The following PDK1 variants were observed in gnomAD, a reference collection of about 807,000 sequenced individuals.
The protein encoded by PDK1 is pyruvate dehydrogenase kinase 1.
PDK1 carries 39 observed loss-of-function variants against 54.2 expected under a neutral mutation model. The ratio of observed to expected loss-of-function variants is 0.72; its 90% CI spans 0.56 to 0.94. The LOEUF (loss-of-function observed/expected upper bound fraction) is 0.94, where lower values mean the gene tolerates loss of function less well. Ranked by LOEUF, PDK1 falls within the 40% of genes least tolerant of loss-of-function variation. The pLI is 0.00. For synonymous variants in PDK1, 221 were observed against 207.1 expected, an observed-to-expected ratio of 1.07 and a Z score of -0.58; for missense variants, 552 against 566.0, an observed-to-expected ratio of 0.98 and a Z score of 0.25.
At chr2:172,618,437 A>C in the PDK1 span, among the ~76,000 whole-genome samples, 1 of 152,238 alleles carries the variant, frequency 6.6e-6, no homozygotes, top group Non-Finnish European at 1.5e-5. Context: ...AAAGATTAAA[A>C]CATTCCATTC....
the PDK1 span, among the ~76,000 whole-genome samples, chr2:172,710,327 A>G: frequency 6.6e-6 from 1 of 152,254 alleles, no homozygotes; most frequent in Non-Finnish European, 1.5e-5. Context: ...GTTCTGCAAC[A>G]AGAAGACTGA....
rs767662731 is a variant in PDK1 at position 172,556,386 on chromosome 2, C to A, written c.196+40C>A. 6.7e-6 allele frequency: 9 copies of A among 1,350,708 alleles called. No homozygotes were observed. The East Asian group carries it at 2.3e-4, about 34-fold the overall frequency. The allele number at this position is 1,350,708 out of a possible 1,614,324, so 83.7% of individuals were successfully genotyped here. A position where few individuals can be genotyped will look rare whatever the true frequency, so the allele number is the denominator to read the frequency against. ...GGACCTTGGGCCTTTTTGCGCGGTC[C>A]CGGGCGGGGAGCTGCGGCCGCTGCC... On this transcript the variant is annotated intron_variant, in intron 1 of 10. Transcript: ENST00000282077.
At chr2:172,632,116 A>C in the PDK1 span, among the ~76,000 whole-genome samples, 32 of 152,012 alleles carry the variant, frequency 2.1e-4, no homozygotes, top group African/African-American at 7.7e-4. Context: ...TCTACTAAAA[A>C]TACAAAAATT....
the PDK1 span, among the ~76,000 whole-genome samples, chr2:172,617,741 A>T: frequency 6.6e-6 from 1 of 152,198 alleles, no homozygotes; most frequent in Non-Finnish European, 1.5e-5. Context: ...GAGGGGAACA[A>T]ACATTCAAAC....
At chr2:172,720,326 G>T in the PDK1 span, among the ~76,000 whole-genome samples, 2 of 152,048 alleles carry the variant, frequency 1.3e-5, no homozygotes, top group African/African-American at 4.8e-5. Context: ...TGTTGGCCAG[G>T]CTAGTCTTGA....
intron 8 of PDK1, among the ~76,000 whole-genome samples, chr2:172,581,898 CAT>C (rs941275557): frequency 6.6e-6 from 1 of 152,178 alleles, no homozygotes; most frequent in South Asian, 2.1e-4. Flanking sequence ...GTTATAGCCA[CAT>C]GTCTTTTTTT....
chr2:172,655,258 C>T, the PDK1 span, among the ~76,000 whole-genome samples: 75 of 152,316 alleles, frequency 4.9e-4, no homozygotes, highest in African/African-American at 1.7e-3. Flanking sequence ...TCCCGAGGAC[C>T]AGCTTTAAAA....
chr2:172,580,616 C>T (rs983766209), intron 8 of PDK1, among the ~76,000 whole-genome samples: 2 of 152,104 alleles, frequency 1.3e-5, no homozygotes, highest in Non-Finnish European at 2.9e-5. Context: ...GTCTATACCT[C>T]AAAGGATTGA....
chr2:172,696,680 C>T, the PDK1 span, among the ~76,000 whole-genome samples: 2 of 152,318 alleles, frequency 1.3e-5, no homozygotes, highest in South Asian at 4.1e-4. Context: ...GACTCTGTCA[C>T]ATTCTTCCAA....
At chr2:172,590,036 G>A (rs1181002553) in intron 9 of PDK1, among the ~76,000 whole-genome samples, 1 of 152,172 alleles carries the variant, frequency 6.6e-6, no homozygotes, top group East Asian at 1.9e-4. Flanking sequence ...TTCTAAGACA[G>A]TGGGGTAGGG....
the PDK1 span, among the ~76,000 whole-genome samples, chr2:172,659,074 T>C: frequency 2.6e-5 from 4 of 152,140 alleles, no homozygotes; most frequent in Non-Finnish European, 4.4e-5. Context: ...TCCTCCCCTT[T>C]TGAAGTCCTT....
chr2:172,638,485 T>C, the PDK1 span, among the ~76,000 whole-genome samples: 1 of 152,212 alleles, frequency 6.6e-6, no homozygotes, highest in Non-Finnish European at 1.5e-5. Flanking sequence ...ATTTCTTTGG[T>C]GGAATCATAT....
the PDK1 span, among the ~76,000 whole-genome samples, chr2:172,634,761 T>A: frequency 8.1e-6 from 1 of 123,394 alleles, no homozygotes; most frequent in African/African-American, 3.0e-5. Context: ...AGGCAATCTA[T>A]TCTTAAAATG....
At chr2:172,562,412 A>G in intron 3 of PDK1, 121 bp downstream of exon 3, 1 of 680,440 alleles carries the variant, frequency 1.5e-6, no homozygotes, top group Non-Finnish European at 2.6e-6. Flanking sequence ...AGCAGCCCAT[A>G]CAGGCAGGAC....
intron 5 of PDK1, 76 bp downstream of exon 5, chr2:172,565,149 C>A (rs1688867993): frequency 1.2e-6 from 1 of 848,850 alleles, no homozygotes; most frequent in Non-Finnish European, 2.0e-6. Context: ...ATTAAAACAT[C>A]TATTTGTATC....
At chr2:172,583,675 C>G (rs1690049508) in intron 8 of PDK1, among the ~76,000 whole-genome samples, 1 of 152,020 alleles carries the variant, frequency 6.6e-6, no homozygotes, top group Admixed American at 6.6e-5. Context: ...GCACATCTTT[C>G]AATGGTATTT....
the PDK1 span, among the ~76,000 whole-genome samples, chr2:172,700,109 G>T: frequency 2.0e-5 from 3 of 152,202 alleles, no homozygotes; most frequent in African/African-American, 7.2e-5. Context: ...CAAGGCAGAA[G>T]AATTTTTCTT....
intron 8 of PDK1, among the ~76,000 whole-genome samples, chr2:172,573,467 T>A (rs1487494364): frequency 6.6e-6 from 1 of 151,808 alleles, no homozygotes; most frequent in South Asian, 2.1e-4. Flanking sequence ...TTCTCTCTCA[T>A]GTATATGTGT....
At chr2:172,566,533 G>A (rs1688951535) in intron 5 of PDK1, among the ~76,000 whole-genome samples, 1 of 151,928 alleles carries the variant, frequency 6.6e-6, no homozygotes, top group South Asian at 2.1e-4. Flanking sequence ...CTCCAGCCTG[G>A]TTGATCGAGA....
Sources: gnomAD v4.1 joint callset for allele counts (sites outside exome capture counted in the v4.1 genomes callset) on GRCh38, gnomAD v4.1.1 for gene constraint, MANE v1.5 for transcripts, NCBI Gene and HGNC (gene_info 2026-07-23, HGNC 2026-07-21) for gene names.